SEPTIN9: variants seen among roughly 807,000 people sequenced by gnomAD.
The protein encoded by SEPTIN9 is septin-9.
Under a neutral mutation model 56.6 loss-of-function variants are expected in SEPTIN9, and 13 were observed. That is an observed-to-expected ratio of 0.23 (90% CI 0.15 to 0.37). The LOEUF (loss-of-function observed/expected upper bound fraction) is 0.37. Among genes scored for constraint, SEPTIN9 ranks in the 10% least tolerant of loss-of-function variants. SEPTIN9 has a pLI of 1.00. For synonymous variants in SEPTIN9, 332 were observed against 334.1 expected (o/e 0.99, Z 0.07); for missense variants, 650 against 823.1 (o/e 0.79, Z 2.57).
At chr17:77,410,553 G>C (rs2036257980) in intron 3 of SEPTIN9, among the ~76,000 whole-genome samples, 1 of 152,204 alleles carries the variant, frequency 6.6e-6, no homozygotes, top group African/African-American at 2.4e-5. Context: ...CACCGGCTTT[G>C]CCCTCACACT....
intron 2 of SEPTIN9, among the ~76,000 whole-genome samples, chr17:77,384,582 C>T (rs1303770888): frequency 6.6e-6 from 1 of 151,930 alleles, no homozygotes; most frequent in Non-Finnish European, 1.5e-5. Context: ...CTGCAGCGCC[C>T]CAGAAACACT....
At chr17:77,373,230 C>T (rs1328415571) in intron 2 of SEPTIN9, 2 of 1,116,998 alleles carry the variant, frequency 1.8e-6, no homozygotes, top group Non-Finnish European at 2.2e-6. Flanking sequence ...GCAGCCAGTG[C>T]GAGACAGGGA....
At chr17:77,490,720 C>T (rs768259224) in intron 7 of SEPTIN9, 22 bp from the exon 8 acceptor site, 5 of 1,527,538 alleles carry the variant, frequency 3.3e-6, no homozygotes, top group Admixed American at 1.9e-5. Flanking sequence ...AGATGAGCCT[C>T]ACGCACATCC....
At chr17:77,417,173 G>A (rs1269581445) in intron 3 of SEPTIN9, among the ~76,000 whole-genome samples, 4 of 152,206 alleles carry the variant, frequency 2.6e-5, no homozygotes, top group Non-Finnish European at 4.4e-5. Context: ...ATAAGGAAGT[G>A]TACTCATGTG....
chr17:77,284,492 C>T (rs2031184350), intron 1 of SEPTIN9, among the ~76,000 whole-genome samples: 1 of 152,238 alleles, frequency 6.6e-6, no homozygotes, highest in Non-Finnish European at 1.5e-5. Flanking sequence ...CCAGTGGTTA[C>T]ACTTGGGGGC....
intron 2 of SEPTIN9, among the ~76,000 whole-genome samples, chr17:77,370,554 C>T (rs312868): frequency 0.2 from 30,970 of 152,170 alleles, 4,487 homozygotes; most frequent in African/African-American, 0.39. Flanking sequence ...CTGTAGGTCT[C>T]GTTGTGCACT....
intron 2 of SEPTIN9, chr17:77,322,824 A>T (rs1598191840): frequency 1.3e-5 from 2 of 152,444 alleles, no homozygotes; most frequent in Admixed American, 1.3e-4. Context: ...GCTGCAAGCC[A>T]CTGCGAGAGC....
rs79115122 is a variant in SEPTIN9 at position 77,330,235 on chromosome 17, C to T, written c.76+23038C>T. ...TCGGGGGGACTTCCCCCTCTTGGAG[C>T]ACCTGCTGCTCCGGGTGCCTCTGGG... On this transcript the variant is annotated intron_variant, in intron 2 of 11. Coordinates refer to ENST00000427177, the MANE Select transcript of SEPTIN9 (RefSeq NM_001113491.2). This position sits in a 1 kb window ranked among gnomAD's most constrained non-coding sequence, Gnocchi z 4.4. 3.9e-3 allele frequency among the ~76,000 whole-genome samples: 587 copies of T among 152,352 alleles called. 11 individuals are homozygous for T. Among genetic ancestry groups the T allele is most frequent in the African/African-American group, 0.013 (559 of 41,574 alleles).
At chr17:77,346,787 A>G (rs2033906825) in intron 2 of SEPTIN9, among the ~76,000 whole-genome samples, 1 of 152,080 alleles carries the variant, frequency 6.6e-6, no homozygotes, top group Non-Finnish European at 1.5e-5. Flanking sequence ...GTGTCCCCCA[A>G]AATTCATATG....
chr17:77,333,244 C>T (rs1002070101), intron 2 of SEPTIN9, among the ~76,000 whole-genome samples: 2 of 152,144 alleles, frequency 1.3e-5, no homozygotes, highest in Non-Finnish European at 2.9e-5. Context: ...TCATGATTGG[C>T]TCTTCATATA....
intron 2 of SEPTIN9, among the ~76,000 whole-genome samples, chr17:77,354,255 T>C (rs2034152074): frequency 6.6e-6 from 1 of 152,232 alleles, no homozygotes; most frequent in African/African-American, 2.4e-5. Flanking sequence ...CCCCGTTTTA[T>C]AGATGAGGAA....
At chr17:77,356,489 T>A (rs2034243708) in intron 2 of SEPTIN9, among the ~76,000 whole-genome samples, 1 of 150,502 alleles carries the variant, frequency 6.6e-6, no homozygotes, top group Non-Finnish European at 1.5e-5. Context: ...GATGGAAAAA[T>A]GGGGGCCAGG....
At chr17:77,489,416 T>C (rs1188403685) in intron 7 of SEPTIN9, among the ~76,000 whole-genome samples, 1 of 152,094 alleles carries the variant, frequency 6.6e-6, no homozygotes, top group African/African-American at 2.4e-5. Context: ...GGAGGCTGCA[T>C]GTACCCTGGC....
At chr17:77,381,783 C>T (rs770406011) in intron 2 of SEPTIN9, among the ~76,000 whole-genome samples, 3 of 152,212 alleles carry the variant, frequency 2.0e-5, no homozygotes, top group South Asian at 2.1e-4. Context: ...CCTGCCAGGC[C>T]AGGAGCATCG....
chr17:77,292,502 T>A (rs979046287), intron 1 of SEPTIN9, among the ~76,000 whole-genome samples: 11 of 151,438 alleles, frequency 7.3e-5, no homozygotes, highest in African/African-American at 1.2e-4. Context: ...TTTTTTTTTT[T>A]AAATTTTTTG....
At position 77,476,088 on chromosome 17, in the gene SEPTIN9, G is replaced by A. The variant is rs1476974958; in HGVS notation, c.722-6056G>A. 6.6e-6 allele frequency among the ~76,000 whole-genome samples: 1 copy of A among 152,162 alleles called. No homozygotes were observed. Among genetic ancestry groups the A allele is most frequent in the Non-Finnish European group, 1.5e-5 (1 of 68,016 alleles). Reference sequence around the variant, plus strand: ...TGGCTCAGGGTCCCTTGCCCCAGCGGCACCATCTCTGCATTTGGCCAGCAA... The same window carrying A: ...TGGCTCAGGGTCCCTTGCCCCAGCGACACCATCTCTGCATTTGGCCAGCAA... On this transcript the variant is annotated intron_variant, in intron 3 of 11. Coordinates refer to ENST00000427177, the MANE Select transcript of SEPTIN9 (RefSeq NM_001113491.2). This position sits in a 1 kb window ranked among gnomAD's most constrained non-coding sequence, Gnocchi z 6.0.
chr17:77,473,207 T>C (rs1032238576), intron 3 of SEPTIN9, among the ~76,000 whole-genome samples: 6 of 152,208 alleles, frequency 3.9e-5, no homozygotes, highest in Non-Finnish European at 7.3e-5. Context: ...TACCTCTTTG[T>C]TTCTCAGACT....
intron 1 of SEPTIN9, among the ~76,000 whole-genome samples, chr17:77,304,378 A>G (rs1243580186): frequency 6.6e-6 from 1 of 152,198 alleles, no homozygotes; most frequent in African/African-American, 2.4e-5. Flanking sequence ...AACTCCACCC[A>G]AGAAATCTGA....
At chr17:77,406,022 G>T (rs1255132597) in intron 3 of SEPTIN9, among the ~76,000 whole-genome samples, 1 of 152,246 alleles carries the variant, frequency 6.6e-6, no homozygotes, top group East Asian at 1.9e-4. Flanking sequence ...CTTGGCTTCT[G>T]CCTGCGGGAG....
Sources: allele counts gnomAD v4.1 joint callset (sites outside exome capture counted in the v4.1 genomes callset), GRCh38; gene constraint gnomAD v4.1.1; non-coding constraint Gnocchi (gnomAD v3.1); transcripts MANE v1.5; gene names NCBI Gene and HGNC (gene_info 2026-07-23, HGNC 2026-07-21).